The following POLQ variants were observed in gnomAD, a reference collection of about 807,000 sequenced individuals.
POLQ encodes the protein DNA polymerase theta.
Under a neutral mutation model 259.2 loss-of-function variants are expected in POLQ, and 233 were observed. The observed-to-expected ratio is 0.90, with a 90% CI of 0.81 to 1.00. The LOEUF (loss-of-function observed/expected upper bound fraction) is 1.00, where lower values mean the gene tolerates loss of function less well. Among genes scored for constraint, POLQ ranks in the 50% least tolerant of loss-of-function variants. The probability of loss-of-function intolerance (pLI) is 0.00; values close to 1 mark genes in which losing one functional copy is unlikely to be tolerated. For missense variants in POLQ, 2,871 were observed against 3,051.6 expected (o/e 0.94, Z 1.39); for synonymous variants, 1,025 against 1,048.8 (o/e 0.98, Z 0.44).
chr3:121,454,973 T>C (rs1027516105), intron 25 of POLQ, among the ~76,000 whole-genome samples: 4 of 152,156 alleles, frequency 2.6e-5, no homozygotes, highest in African/African-American at 7.2e-5. Flanking sequence ...ATTGACCACA[T>C]AGTTGGAAGT....
intron 29 of POLQ, 147 bp from the exon 30 acceptor site, chr3:121,432,564 AT>A: frequency 1.4e-6 from 1 of 711,208 alleles, no homozygotes; most frequent in South Asian, 2.8e-5. Flanking sequence ...AATAAAATAA[AT>A]AAATGAATAA....
chr3:121,476,797 C>T (rs1045573516), intron 19 of POLQ, 64 bp from the exon 20 acceptor site: 3 of 1,089,812 alleles, frequency 2.8e-6, no homozygotes, highest in African/African-American at 1.6e-5. Context: ...AGCAGCCTTA[C>T]CTAAACTATA....
chr3:121,492,082 AT>A (rs1314833610), intron 15 of POLQ, among the ~76,000 whole-genome samples: 1 of 150,938 alleles, frequency 6.6e-6, no homozygotes, highest in Non-Finnish European at 1.5e-5. Flanking sequence ...TGGGCAAGAG[AT>A]ATGCAAGAGC....
chr3:121,485,888 T>C (rs1173821761), intron 16 of POLQ, among the ~76,000 whole-genome samples: 2 of 152,200 alleles, frequency 1.3e-5, no homozygotes, highest in African/African-American at 4.8e-5. Flanking sequence ...ATCAGACAAA[T>C]ACTCAAACCT....
chr3:121,505,085 T>C (rs1286038786), intron 12 of POLQ, among the ~76,000 whole-genome samples: 1 of 152,202 alleles, frequency 6.6e-6, no homozygotes, highest in East Asian at 1.9e-4. Context: ...ACCACCCCAC[T>C]TGGTGCTGTC....
chr3:121,514,521 AG>A (rs1270676411), intron 9 of POLQ, among the ~76,000 whole-genome samples: 1 of 152,166 alleles, frequency 6.6e-6, no homozygotes, highest in Non-Finnish European at 1.5e-5. Context: ...TCACACAGAA[AG>A]GAATCCCCAG....
rs138530832 is a variant in POLQ at position 121,487,378 on chromosome 3, G to T, written c.5553C>A (p.Ser1851=). The T allele has an allele frequency of 1.2e-6, 2 of 1,613,862 alleles. No individual in the cohort carries two copies. The highest frequency in any genetic ancestry group is 2.7e-5 in the African/African-American group (2 of 74,922). The change falls in exon 16 of 30, where the codon TCC becomes TCA. Residue 1851 remains serine, a synonymous_variant. Coordinates refer to ENST00000264233, the MANE Select transcript of POLQ (RefSeq NM_199420.4). ...IKEWRCKKRF[S]ISLACEKIRS... ...TAATCTTTTCACAAGCCAGTGAGAT[G>T]GAAAATCGCTTTTTGCACCGCCACT...
At chr3:121,522,818 A>G (rs78178053) in intron 7 of POLQ, among the ~76,000 whole-genome samples, 2,851 of 152,268 alleles carry the variant, frequency 0.019, 45 homozygotes, top group Non-Finnish European at 0.033. Context: ...TATTACGGAT[A>G]CTGATTACCA....
intron 22 of POLQ, among the ~76,000 whole-genome samples, chr3:121,471,479 C>T (rs927734954): frequency 3.9e-5 from 6 of 152,150 alleles, no homozygotes; most frequent in Non-Finnish European, 5.9e-5. Context: ...CAGTGGCTCA[C>T]GCCTGTAATC....
intron 16 of POLQ, among the ~76,000 whole-genome samples, chr3:121,487,032 G>A (rs915193952): frequency 6.6e-6 from 1 of 151,918 alleles, no homozygotes; most frequent in Non-Finnish European, 1.5e-5. Context: ...GAAATGTCAC[G>A]TTCATATTCA....
chr3:121,450,356 CTTTT>C (rs1281218142), intron 25 of POLQ, among the ~76,000 whole-genome samples: 1 of 151,374 alleles, frequency 6.6e-6, no homozygotes, highest in African/African-American at 2.4e-5. Context: ...TATTTTTTCG[CTTTT>C]TTATTATTTA....
intron 9 of POLQ, among the ~76,000 whole-genome samples, chr3:121,518,988 A>G (rs1318154508): frequency 1.3e-5 from 2 of 152,168 alleles, no homozygotes; most frequent in Non-Finnish European, 2.9e-5. Context: ...ACTGCTTAAG[A>G]CAAAACTTTT....
intron 22 of POLQ, among the ~76,000 whole-genome samples, chr3:121,468,736 C>A (rs575830099): frequency 6.6e-6 from 1 of 152,272 alleles, no homozygotes; most frequent in Admixed American, 6.5e-5. Flanking sequence ...TATCAGATTT[C>A]AGCACTATAA....
Position 121,532,976 on chromosome 3 carries a change from A to T in POLQ, c.960+14T>A, listed in dbSNP as rs749634852. On this transcript the variant is annotated intron_variant, in intron 6 of 29. Coordinates refer to ENST00000264233, the MANE Select transcript of POLQ (RefSeq NM_199420.4). ...ACAGATAAAAATAGTAGTGATGTAC[A>T]TATATTGATTTACCTTCACTTGTAG... is the stretch of plus-strand genomic sequence containing the variant. 6.8e-7 allele frequency: 1 copy of T among 1,473,326 alleles called. No individual in the cohort carries two copies. The highest frequency in any genetic ancestry group is 1.2e-5 in the South Asian group (1 of 85,750). 91.3% of individuals were successfully genotyped at this position (1,473,326 alleles called of 1,614,324 possible).
chr3:121,482,596 T>G (rs565580948), intron 18 of POLQ, among the ~76,000 whole-genome samples: 59 of 64,450 alleles, frequency 9.2e-4, no homozygotes, highest in Middle Eastern at 8.5e-3. Flanking sequence ...GCCTCTACAC[T>G]TTCCCCTCAG....
At chr3:121,536,694 G>C (rs761993894) in intron 5 of POLQ, among the ~76,000 whole-genome samples, 13 of 152,204 alleles carry the variant, frequency 8.5e-5, no homozygotes, top group Non-Finnish European at 1.6e-4. Context: ...GCCCAGGCTA[G>C]AGTAAAGTGG....
intron 9 of POLQ, among the ~76,000 whole-genome samples, chr3:121,517,289 A>C (rs1412388599): frequency 6.6e-6 from 1 of 152,108 alleles, no homozygotes; most frequent in Non-Finnish European, 1.5e-5. Context: ...CAATCTGCAT[A>C]TTCTGTAGGT....
At position 121,468,304 on chromosome 3, in the gene POLQ, C is replaced by T; in HGVS notation, c.6845+1G>A. The stretch of plus-strand genomic sequence containing the variant: ...TACAGATACAGAGAAACAGCACCTA[C>T]CTGCCCATGGGAAGTAGGCCTTTGC... On this transcript the variant is annotated splice_donor_variant, in intron 23 of 29. Coordinates refer to ENST00000264233, the MANE Select transcript of POLQ (RefSeq NM_199420.4). LOFTEE classifies it high-confidence loss of function. 4 of 1,610,770 alleles carry T rather than the reference C, an allele frequency of 2.5e-6. No homozygotes were observed. Among genetic ancestry groups the T allele is most frequent in the Non-Finnish European group, 2.5e-6 (3 of 1,178,710 alleles).
chr3:121,491,711 C>T (rs1189686263), intron 15 of POLQ, among the ~76,000 whole-genome samples: 1 of 152,152 alleles, frequency 6.6e-6, no homozygotes, highest in African/African-American at 2.4e-5. Context: ...CATATAAACT[C>T]TGCCCAAATC....
Sources: allele counts gnomAD v4.1 joint callset (sites outside exome capture counted in the v4.1 genomes callset), GRCh38; gene constraint gnomAD v4.1.1; transcripts MANE v1.5; gene names NCBI Gene and HGNC (gene_info 2026-07-23, HGNC 2026-07-21).